NCALD: variants seen among roughly 807,000 people sequenced by gnomAD.
NCALD encodes the protein neurocalcin delta.
Under a neutral mutation model 18.6 loss-of-function variants are expected in NCALD, and 10 were observed. The ratio of observed to expected loss-of-function variants is 0.54; its 90% CI spans 0.33 to 0.91. NCALD has a LOEUF of 0.91. NCALD is among the 40% of genes least tolerant of loss of function. NCALD has a pLI of 0.03. For missense variants in NCALD, 184 were observed against 247.6 expected (o/e 0.74, Z 1.72); for synonymous variants, 88 against 87.4 (o/e 1.01, Z -0.04).
chr8:101,939,467 T>G (rs1818876940), intron 2 of NCALD, among the ~76,000 whole-genome samples: 1 of 152,240 alleles, frequency 6.6e-6, no homozygotes, highest in South Asian at 2.1e-4. Flanking sequence ...TTCAATGACT[T>G]AGATAATGAT....
intron 1 of NCALD, among the ~76,000 whole-genome samples, chr8:102,058,306 C>T (rs1358007823): frequency 6.6e-6 from 1 of 152,320 alleles, no homozygotes; most frequent in South Asian, 2.1e-4. Flanking sequence ...AAAAGCGTAT[C>T]TATTGCACCC....
At chr8:101,894,536 G>C (rs1313383217) in intron 3 of NCALD, among the ~76,000 whole-genome samples, 1 of 143,966 alleles carries the variant, frequency 6.9e-6, no homozygotes, top group Admixed American at 6.8e-5. Context: ...AGGAAATAGA[G>C]ACACAAAAAA....
At chr8:101,867,056 C>A (rs1815799754) in intron 4 of NCALD, among the ~76,000 whole-genome samples, 1 of 152,198 alleles carries the variant, frequency 6.6e-6, no homozygotes, top group Admixed American at 6.5e-5. Context: ...TGGCCTTCCA[C>A]CGTTCCTCAA....
At chr8:101,736,200 T>A (rs926731620) in intron 1 of NCALD, among the ~76,000 whole-genome samples, 4 of 152,192 alleles carry the variant, frequency 2.6e-5, no homozygotes, top group African/African-American at 9.6e-5. Context: ...TTGGTAGGCT[T>A]GTCCTGCTCT....
rs115225534 is a variant in NCALD, at chr8:101,952,826, A to C, written c.-156-36968T>G. Among the ~76,000 whole-genome samples the C allele has an allele frequency of 3.9e-3, 588 of 152,330 alleles. 7 individuals are homozygous for C. Among genetic ancestry groups the C allele is most frequent in the African/African-American group, 0.013 (550 of 41,572 alleles). On this transcript the variant is annotated intron_variant, in intron 2 of 6. Coordinates refer to the NCALD transcript ENST00000311028. Reference sequence around the variant, plus strand: ...AGCACAGGAGATCTGCAGCTTGTGAAGATGAGAGCAGAGTTCTCTGCCCGG... The same window carrying C: ...AGCACAGGAGATCTGCAGCTTGTGACGATGAGAGCAGAGTTCTCTGCCCGG...
intron 3 of NCALD, among the ~76,000 whole-genome samples, chr8:101,895,018 C>A (rs1013863677): frequency 2.0e-5 from 3 of 150,330 alleles, no homozygotes; most frequent in African/African-American, 7.5e-5. Context: ...TTTTATGAGG[C>A]CAGCATCATT....
chr8:101,895,831 C>T (rs371821714), intron 3 of NCALD, among the ~76,000 whole-genome samples: 3 of 139,692 alleles, frequency 2.1e-5, no homozygotes, highest in Non-Finnish European at 4.5e-5. Context: ...CTCTTCAAGG[C>T]GAACTACAAA....
At chr8:102,068,377 C>T (rs751335876) in intron 1 of NCALD, among the ~76,000 whole-genome samples, 18 of 152,346 alleles carry the variant, frequency 1.2e-4, no homozygotes, top group Non-Finnish European at 2.2e-4. Flanking sequence ...CCCATGCTCA[C>T]GCCACTCTGG....
intron 1 of NCALD, chr8:102,028,914 G>C (rs1822564255): frequency 6.6e-6 from 1 of 152,148 alleles, no homozygotes; most frequent in Non-Finnish European, 1.5e-5. Context: ...TGGATGTATG[G>C]TTGTCACCCC....
chr8:101,766,384 G>A (rs1263932503), intron 1 of NCALD, among the ~76,000 whole-genome samples: 2 of 152,022 alleles, frequency 1.3e-5, no homozygotes, highest in African/African-American at 4.8e-5. Context: ...CATGAAAAAT[G>A]TCTTGAAATC....
chr8:102,038,479 C>T (rs184362341), intron 1 of NCALD, among the ~76,000 whole-genome samples: 6 of 152,278 alleles, frequency 3.9e-5, no homozygotes, highest in African/African-American at 1.4e-4. Flanking sequence ...TCATCAGGAT[C>T]AAGTCCAGGA....
At chr8:102,107,096 T>TAA (rs148521237) in intron 1 of NCALD, among the ~76,000 whole-genome samples, 4 of 143,946 alleles carry the variant, frequency 2.8e-5, no homozygotes, top group Non-Finnish European at 4.6e-5. Flanking sequence ...TTCCAGCCCT[T>TAA]AAAAAAAAAA....
chr8:102,009,432 C>T (rs1458394080), intron 2 of NCALD, among the ~76,000 whole-genome samples: 1 of 152,146 alleles, frequency 6.6e-6, no homozygotes, highest in Non-Finnish European at 1.5e-5. Flanking sequence ...TTTTTGTTTC[C>T]GTCTCCCTGA....
rs368742266 is a variant in NCALD at position 101,832,501 on chromosome 8, A to G, written c.-20+54640T>C. On this transcript the variant is annotated intron_variant, in intron 4 of 6. Transcript: ENST00000311028. ...AATCAAAAATGATTTCTTCTTTATAATGACAGTAACATGTTAGAATCTATG... is the reference window on the plus strand; with the variant it reads ...AATCAAAAATGATTTCTTCTTTATAGTGACAGTAACATGTTAGAATCTATG... Among the ~76,000 whole-genome samples the G allele has an allele frequency of 3.9e-5, 6 of 152,320 alleles. No homozygotes were observed. The East Asian group carries it at 5.8e-4, about 15-fold the overall frequency.
chr8:101,800,656 G>A (rs949743181), intron 4 of NCALD, among the ~76,000 whole-genome samples: 1 of 151,368 alleles, frequency 6.6e-6, no homozygotes, highest in Admixed American at 6.6e-5. Context: ...CAAGAGTACA[G>A]AAAGGCTAAA....
chr8:101,734,398 C>T (rs1337412707), intron 1 of NCALD, among the ~76,000 whole-genome samples: 1 of 152,172 alleles, frequency 6.6e-6, no homozygotes, highest in Non-Finnish European at 1.5e-5. Context: ...GAATTATTTG[C>T]ACAGTTATAT....
chr8:101,877,750 C>T (rs779097314), intron 4 of NCALD, among the ~76,000 whole-genome samples: 21 of 152,080 alleles, frequency 1.4e-4, no homozygotes, highest in Non-Finnish European at 2.8e-4. Context: ...TTTTTTCTCA[C>T]CTGTTACTGC....
chr8:102,011,762 T>G (rs1438963264), intron 2 of NCALD, among the ~76,000 whole-genome samples: 1 of 152,148 alleles, frequency 6.6e-6, no homozygotes, highest in African/African-American at 2.4e-5. Flanking sequence ...GATTTCAGAG[T>G]TGTAAAACTC....
At chr8:101,850,074 C>T (rs1815029237) in intron 4 of NCALD, among the ~76,000 whole-genome samples, 1 of 152,200 alleles carries the variant, frequency 6.6e-6, no homozygotes, top group African/African-American at 2.4e-5. Flanking sequence ...CTAAGTCTAG[C>T]TCTGCCGGGT....
Sources: allele counts gnomAD v4.1 joint callset (sites outside exome capture counted in the v4.1 genomes callset), GRCh38; gene constraint gnomAD v4.1.1; transcripts MANE v1.5; gene names NCBI Gene and HGNC (gene_info 2026-07-23, HGNC 2026-07-21).